Variants in TULP4 observed in about 807,000 individuals in gnomAD.
TULP4 encodes the protein TUB like protein 4.
Under a neutral mutation model 129.0 loss-of-function variants are expected in TULP4, and 16 were observed. The ratio of observed to expected loss-of-function variants is 0.12; its 90% confidence interval spans 0.08 to 0.19. TULP4 has a LOEUF of 0.19. Ranked by LOEUF, TULP4 falls within the 10% of genes least tolerant of loss-of-function variation. The pLI, the probability that TULP4 is intolerant of heterozygous loss-of-function variation, is 1.00. For synonymous variants in TULP4, 998 were observed against 854.0 expected (o/e 1.17, Z -2.94); for missense variants, 1,842 against 2,059.1 (o/e 0.89, Z 2.04).
chr6:158,449,622 C>G (rs552522190), intron 4 of TULP4, among the ~76,000 whole-genome samples: 1 of 152,248 alleles, frequency 6.6e-6, no homozygotes, highest in African/African-American at 2.4e-5. Context: ...TTTGTTTTGC[C>G]ATAATGAAGG....
intron 1 of TULP4, among the ~76,000 whole-genome samples, chr6:158,369,446 C>G (rs753040105): frequency 9.9e-5 from 15 of 152,128 alleles, no homozygotes. Context: ...CTGAAGTGAG[C>G]CTTGATTATG....
chr6:158,247,415 A>C (rs142695776), intron 1 of TULP4, among the ~76,000 whole-genome samples: 44 of 152,358 alleles, frequency 2.9e-4, no homozygotes, highest in African/African-American at 1.0e-3. Context: ...TTGGAACACT[A>C]CATTCTAAAG....
upstream of TULP4, chr6:158,312,044 T>TTTA: frequency 2.5e-6 from 1 of 397,816 alleles, no homozygotes; most frequent in Non-Finnish European, 4.4e-6. Flanking sequence ...TTTTTTTTTT[T>TTTA]AAACAGATTT....
At chr6:158,486,212 C>T (rs886356157) in intron 8 of TULP4, among the ~76,000 whole-genome samples, 1 of 152,086 alleles carries the variant, frequency 6.6e-6, no homozygotes, top group East Asian at 1.9e-4. Flanking sequence ...TTAGGACTTA[C>T]AGGGGGGAGT....
chr6:158,404,549 G>A (rs1361902468), intron 1 of TULP4, among the ~76,000 whole-genome samples: 5 of 151,926 alleles, frequency 3.3e-5, no homozygotes, highest in African/African-American at 1.2e-4. Flanking sequence ...AGGCCAAGGC[G>A]GGTGGATCAC....
chr6:158,433,823 AG>A (rs1778690221), intron 3 of TULP4, among the ~76,000 whole-genome samples: 1 of 152,254 alleles, frequency 6.6e-6, no homozygotes, highest in Admixed American at 6.5e-5. Flanking sequence ...AATTGCAAGA[AG>A]GGAATGTAAT....
Position 158,429,839 on chromosome 6 carries a change from C to G in TULP4, c.485C>G (p.Ser162Cys), listed in dbSNP as rs1778588549. Reference protein sequence around the residue: ...GSVSGQRHWSSEINLESQITC... With the variant: ...GSVSGQRHWSCEINLESQITC... ...GTCAGTGGACAAAGACACTGGTCAT[C>G]CGAAATCAACTTGGAAAGTCAAATT... Residue 162 changes from serine (S) to cysteine (C), a missense_variant, in exon 3 of 14, where the codon TCC becomes TGC. Physicochemically the swap from Ser to Cys is moderately radical, Grantham distance 112. Transcript: ENST00000367097. 1 of 1,613,906 alleles carries G rather than the reference C, an allele frequency of 6.2e-7. No individual in the cohort carries two copies. Among genetic ancestry groups the G allele is most frequent in the African/African-American group, 1.3e-5 (1 of 74,856 alleles).
upstream of TULP4, among the ~76,000 whole-genome samples, chr6:158,279,682 TGAC>T (rs899003786): frequency 2.6e-5 from 4 of 152,232 alleles, no homozygotes; most frequent in African/African-American, 4.8e-5. Flanking sequence ...GCCAGCCATT[TGAC>T]GATAGCGTAA....
At chr6:158,444,430 C>G (rs1477744546) in intron 3 of TULP4, among the ~76,000 whole-genome samples, 1 of 151,698 alleles carries the variant, frequency 6.6e-6, no homozygotes, top group Non-Finnish European at 1.5e-5. Flanking sequence ...ATTCCCCCAG[C>G]CTTCAGTCAT....
chr6:158,379,969 G>A (rs1044141905), intron 1 of TULP4, among the ~76,000 whole-genome samples: 1 of 152,160 alleles, frequency 6.6e-6, no homozygotes, highest in Non-Finnish European at 1.5e-5. Flanking sequence ...GATGATTAGG[G>A]CTGGGATAGG....
upstream of TULP4, among the ~76,000 whole-genome samples, chr6:158,309,927 A>AC (rs1306699163): frequency 2.3e-5 from 3 of 130,800 alleles, no homozygotes. Flanking sequence ...GGGGAGGGGG[A>AC]GGGGGAGAGG....
intron 1 of TULP4, among the ~76,000 whole-genome samples, chr6:158,393,203 T>C (rs1777628734): frequency 6.6e-6 from 1 of 152,248 alleles, no homozygotes; most frequent in Non-Finnish European, 1.5e-5. Context: ...GGCATGCTGA[T>C]GCAAGAGGTG....
intron 1 of TULP4, among the ~76,000 whole-genome samples, chr6:158,232,646 C>A (rs1777619081): frequency 6.6e-6 from 1 of 152,134 alleles, no homozygotes; most frequent in Admixed American, 6.5e-5. Context: ...GATCGGGAGG[C>A]GTTTGGCTTG....
intron 1 of TULP4, among the ~76,000 whole-genome samples, chr6:158,298,062 C>T (rs1369510853): frequency 6.6e-6 from 1 of 152,128 alleles, no homozygotes; most frequent in Admixed American, 6.5e-5. Context: ...AGCGATACCT[C>T]TCCTATTTGC....
intron 8 of TULP4, among the ~76,000 whole-genome samples, chr6:158,486,385 C>G (rs954152180): frequency 3.3e-5 from 5 of 152,120 alleles, no homozygotes; most frequent in Non-Finnish European, 5.9e-5. Context: ...AACCCCATCT[C>G]TACTAAAAAT....
chr6:158,468,456 T>C (rs577347073), intron 6 of TULP4, among the ~76,000 whole-genome samples: 62 of 152,198 alleles, frequency 4.1e-4, no homozygotes, highest in Non-Finnish European at 7.3e-4. Flanking sequence ...CCCAGCATTA[T>C]GTAATTTCCA....
At chr6:158,305,162 G>A (rs9355646) in intron 1 of TULP4, among the ~76,000 whole-genome samples, 131,808 of 152,008 alleles carry the variant, frequency 0.87, 57,500 homozygotes, top group Admixed American at 0.92. Flanking sequence ...GAATCCTACT[G>A]CTATCTACTC....
At chr6:158,331,995 A>T (rs939984310) in intron 1 of TULP4, among the ~76,000 whole-genome samples, 1 of 148,278 alleles carries the variant, frequency 6.7e-6, no homozygotes, top group Non-Finnish European at 1.5e-5. Context: ...AACATGGTGA[A>T]ACCCCATCTC....
At chr6:158,467,172 CTCCTAGATATCTTCATGTCTACA>C (rs1331074254) in intron 6 of TULP4, among the ~76,000 whole-genome samples, 1 of 152,132 alleles carries the variant, frequency 6.6e-6, no homozygotes, top group Non-Finnish European at 1.5e-5. Context: ...GTATTTTTAC[CTCCTAGATATCTTCATGTCTACA>C]TCCTTTTGTC....
Sources: allele counts gnomAD v4.1 joint callset (sites outside exome capture counted in the v4.1 genomes callset), GRCh38; gene constraint gnomAD v4.1.1; transcripts MANE v1.5; gene names NCBI Gene and HGNC (gene_info 2026-07-23, HGNC 2026-07-21).